Variants in RANBP2 observed in about 807,000 individuals in gnomAD.
RANBP2 encodes RAN binding protein 2.
RANBP2 carries 57 observed loss-of-function variants against 303.6 expected under a neutral mutation model. The observed-to-expected ratio is 0.19, with a 90% CI of 0.15 to 0.23. The LOEUF (loss-of-function observed/expected upper bound fraction) is 0.23. RANBP2 is among the 10% of genes least tolerant of loss of function. The pLI, the probability that RANBP2 is intolerant of heterozygous loss-of-function variation, is 1.00. For missense variants in RANBP2, 3,138 were observed against 3,780.8 expected, an observed-to-expected ratio of 0.83 and a Z score of 4.46; for synonymous variants, 1,167 against 1,301.5, an observed-to-expected ratio of 0.90 and a Z score of 2.23.
the RANBP2 span, among the ~76,000 whole-genome samples, chr2:109,567,127 G>A: frequency 2.6e-5 from 4 of 152,068 alleles, no homozygotes; most frequent in Non-Finnish European, 5.9e-5. Context: ...ACTGTTAGGC[G>A]CTTAACAAAG....
the RANBP2 span, among the ~76,000 whole-genome samples, chr2:109,648,420 G>A: frequency 6.6e-6 from 1 of 151,514 alleles, no homozygotes; most frequent in African/African-American, 2.4e-5. Flanking sequence ...ATGCAATCTC[G>A]GCTCACTGCA....
the RANBP2 span, among the ~76,000 whole-genome samples, chr2:109,082,425 C>T: frequency 9.9e-5 from 15 of 151,352 alleles, no homozygotes; most frequent in South Asian, 2.1e-4. Flanking sequence ...CTCAGCCTCC[C>T]GAGTAGCTGG....
At chr2:109,666,097 C>G in the RANBP2 span, among the ~76,000 whole-genome samples, 99 of 146,462 alleles carry the variant, frequency 6.8e-4, 1 homozygote, top group African/African-American at 2.4e-3. Context: ...GCAAAAGAGA[C>G]AGATTCTGTC....
chr2:109,543,511 T>G, the RANBP2 span: 1 of 152,198 alleles, frequency 6.6e-6, no homozygotes, highest in Admixed American at 6.5e-5. Flanking sequence ...TAAAAAATTT[T>G]TAAGTTCTAT....
chr2:109,433,227 A>C, the RANBP2 span, among the ~76,000 whole-genome samples: 1 of 152,246 alleles, frequency 6.6e-6, no homozygotes, highest in Non-Finnish European at 1.5e-5. Context: ...TCATATATAG[A>C]CGTGTGATAT....
chr2:109,261,162 C>T, the RANBP2 span, among the ~76,000 whole-genome samples: 3 of 152,162 alleles, frequency 2.0e-5, no homozygotes, highest in African/African-American at 4.8e-5. Flanking sequence ...GACACATCAA[C>T]ATTTCTGGCT....
At chr2:108,752,790 CT>C (rs1273291575) in intron 12 of RANBP2, among the ~76,000 whole-genome samples, 1 of 148,740 alleles carries the variant, frequency 6.7e-6, no homozygotes, top group South Asian at 2.1e-4. Flanking sequence ...AAGACTCTGT[CT>C]CAAAAAAAAA....
chr2:109,648,131 C>T, the RANBP2 span, among the ~76,000 whole-genome samples: 49 of 152,268 alleles, frequency 3.2e-4, no homozygotes, highest in African/African-American at 1.1e-3. Context: ...GGCACAGCCC[C>T]GCAGAAGGGA....
chr2:109,101,275 C>T, the RANBP2 span, among the ~76,000 whole-genome samples: 3 of 152,058 alleles, frequency 2.0e-5, no homozygotes, highest in Non-Finnish European at 4.4e-5. Flanking sequence ...GCCTGTAATC[C>T]CAGCACTTTG....
At chr2:109,448,256 T>C in the RANBP2 span, among the ~76,000 whole-genome samples, 10 of 152,192 alleles carry the variant, frequency 6.6e-5, no homozygotes, top group Non-Finnish European at 7.4e-5. Context: ...TTTACAACCA[T>C]ATTTCAAAAC....
the RANBP2 span, among the ~76,000 whole-genome samples, chr2:109,620,322 G>A: frequency 7.9e-5 from 12 of 152,174 alleles, no homozygotes; most frequent in Non-Finnish European, 1.3e-4. Context: ...AGAACAGCAA[G>A]TTATTCCAAT....
At chr2:109,779,486 A>G in the RANBP2 span, among the ~76,000 whole-genome samples, 1 of 113,560 alleles carries the variant, frequency 8.8e-6, no homozygotes, top group Non-Finnish European at 1.8e-5. Context: ...TTAGACTGTT[A>G]GATCTGTCTG....
At chr2:109,140,864 C>T in the RANBP2 span, among the ~76,000 whole-genome samples, 2 of 152,152 alleles carry the variant, frequency 1.3e-5, no homozygotes, top group South Asian at 4.1e-4. Flanking sequence ...ACAGTCTGGC[C>T]CCAGGGGTAT....
the RANBP2 span, among the ~76,000 whole-genome samples, chr2:109,719,296 C>T: frequency 4.6e-5 from 7 of 150,958 alleles, no homozygotes; most frequent in East Asian, 1.4e-3. Context: ...GATGGGGTTT[C>T]TTCATGTTGA....
the RANBP2 span, among the ~76,000 whole-genome samples, chr2:109,728,682 T>A: frequency 6.6e-6 from 1 of 151,162 alleles, no homozygotes; most frequent in Non-Finnish European, 1.5e-5. Context: ...CTCGAACTCC[T>A]GACCTTATGA....
the RANBP2 span, among the ~76,000 whole-genome samples, chr2:109,421,337 A>G: frequency 6.6e-6 from 1 of 152,236 alleles, no homozygotes; most frequent in Non-Finnish European, 1.5e-5. Context: ...ACAGGCTCTC[A>G]GTAGCTGCCA....
At chr2:108,846,793 T>C in the RANBP2 span, 1 of 1,611,878 alleles carries the variant, frequency 6.2e-7, no homozygotes, top group African/African-American at 1.3e-5. Flanking sequence ...TTTAAAGGAG[T>C]GGTAACTAAA....
rs575473077 is a variant in RANBP2 at position 108,781,398 on chromosome 2, T to C, written c.8729T>C (p.Ile2910Thr). 23 of 1,614,150 alleles carry C rather than the reference T, an allele frequency of 1.4e-5. No individual in the cohort carries two copies. In the Admixed American group the frequency reaches 2.2e-4, roughly 15 times the overall value. Reference protein sequence around the residue: ...SDEEVVHNEDIHFEPIVSLPE... With the variant: ...SDEEVVHNEDTHFEPIVSLPE... ...GAAGAAGTAGTTCATAATGAAGATA[T>C]CCATTTTGAACCAATAGTGTCACTA... Residue 2910 changes from isoleucine (I) to threonine (T), a missense_variant, in exon 26 of 29, where the codon ATC becomes ACC. Coordinates refer to ENST00000283195, the MANE Select transcript of RANBP2 (RefSeq NM_006267.5).
chr2:109,490,969 GC>G, the RANBP2 span: 3 of 1,422,554 alleles, frequency 2.1e-6, no homozygotes, highest in Non-Finnish European at 2.8e-6. Context: ...TCTGTGGCAT[GC>G]TGTGGTTTGG....
Sources: allele counts gnomAD v4.1 joint callset (sites outside exome capture counted in the v4.1 genomes callset), GRCh38; gene constraint gnomAD v4.1.1; transcripts MANE v1.5; gene names NCBI Gene and HGNC (gene_info 2026-07-23, HGNC 2026-07-21).